PLXNA2: variants seen among roughly 807,000 people sequenced by gnomAD.
The protein encoded by PLXNA2 is plexin-A2.
PLXNA2 carries 91 observed loss-of-function variants against 193.5 expected under a neutral mutation model. The observed-to-expected ratio is 0.47, with a 90% CI of 0.40 to 0.56. The LOEUF is 0.56. Among genes scored for constraint, PLXNA2 ranks in the 20% least tolerant of loss-of-function variants. The probability of loss-of-function intolerance (pLI) is 0.00; values close to 1 mark genes in which losing one functional copy is unlikely to be tolerated. For missense variants in PLXNA2, 1,995 were observed against 2,503.2 expected, an observed-to-expected ratio of 0.80 and a Z score of 4.33; for synonymous variants, 997 against 1,027.3, an observed-to-expected ratio of 0.97 and a Z score of 0.56.
At chr1:208,060,918 G>A in intron 12 of PLXNA2, 81 bp from the exon 13 acceptor site, 1 of 1,358,044 alleles carries the variant, frequency 7.4e-7, no homozygotes, top group Non-Finnish European at 1.0e-6. Context: ...CCCCCAGGGA[G>A]GTTTAAGAAC....
intron 12 of PLXNA2, among the ~76,000 whole-genome samples, chr1:208,077,502 C>G (rs180730990): frequency 7.2e-5 from 11 of 152,270 alleles, no homozygotes; most frequent in African/African-American, 2.4e-4. Flanking sequence ...CTGGCAGAGG[C>G]GGGTGGTGCT....
chr1:208,068,376 A>G (rs557722945), intron 12 of PLXNA2, among the ~76,000 whole-genome samples: 1 of 152,250 alleles, frequency 6.6e-6, no homozygotes, highest in African/African-American at 2.4e-5. Context: ...GCTTTAATTT[A>G]AGCCAATTTC....
At chr1:208,064,401 TG>T (rs1011960341) in intron 12 of PLXNA2, among the ~76,000 whole-genome samples, 2 of 152,232 alleles carry the variant, frequency 1.3e-5, no homozygotes, top group Non-Finnish European at 2.9e-5. Context: ...CTGGCAGGTG[TG>T]GTCTTTCTGG....
Position 208,216,803 on chromosome 1 carries a change from A to G in PLXNA2, c.1120T>C (p.Cys374Arg). 1 of 1,614,180 alleles carries G rather than the reference A, an allele frequency of 6.2e-7. No individual in the cohort carries two copies. Among genetic ancestry groups the G allele is most frequent in the Non-Finnish European group, 8.5e-7 (1 of 1,180,040 alleles). The change falls in exon 2 of 32, where the codon TGC (cysteine) becomes CGC (arginine). Residue 374 changes from cysteine (C) to arginine (R), a missense_variant. Coordinates refer to ENST00000367033, the MANE Select transcript of PLXNA2 (RefSeq NM_025179.4). ...NLQIKERLQSCYQGEGNLELN... is the reference protein window; with the variant it reads ...NLQIKERLQSRYQGEGNLELN... ...TCCAGGTTGCCCTCGCCCTGGTAGC[A>G]GGACTGCAGGCGCTCCTTGATCTGC...
intron 3 of PLXNA2, among the ~76,000 whole-genome samples, chr1:208,178,529 C>T (rs948195307): frequency 6.6e-6 from 1 of 152,090 alleles, no homozygotes; most frequent in East Asian, 1.9e-4. Context: ...GGGGTAGGGG[C>T]GGGGGTGTTG....
intron 1 of PLXNA2, among the ~76,000 whole-genome samples, chr1:208,240,921 T>C (rs535050243): frequency 6.6e-6 from 1 of 151,810 alleles, no homozygotes; most frequent in East Asian, 1.9e-4. Flanking sequence ...AGACAGGAAT[T>C]GCCTCCCCCA....
intron 4 of PLXNA2, among the ~76,000 whole-genome samples, chr1:208,141,008 A>G (rs1668441415): frequency 6.6e-6 from 1 of 151,958 alleles, no homozygotes; most frequent in Admixed American, 6.6e-5. Flanking sequence ...TGTCTTACCC[A>G]CTCTAGGTTA....
intron 3 of PLXNA2, among the ~76,000 whole-genome samples, chr1:208,146,826 A>G (rs1398621644): frequency 6.6e-6 from 1 of 152,280 alleles, no homozygotes; most frequent in East Asian, 1.9e-4. Flanking sequence ...GAGGGAGGTG[A>G]CAGGGACAGG....
intron 23 of PLXNA2, 49 bp downstream of exon 23, chr1:208,039,943 A>C (rs1427891623): frequency 6.3e-7 from 1 of 1,590,146 alleles, no homozygotes; most frequent in African/African-American, 1.3e-5. Flanking sequence ...TCTAAGCAGC[A>C]GTGCCATCCT....
At chr1:208,237,452 C>T (rs1056012772) in intron 1 of PLXNA2, among the ~76,000 whole-genome samples, 1 of 152,206 alleles carries the variant, frequency 6.6e-6, no homozygotes, top group African/African-American at 2.4e-5. Flanking sequence ...ATGCAATTTA[C>T]ATAGAATACA....
At chr1:208,065,317 A>C (rs1665754990) in intron 12 of PLXNA2, among the ~76,000 whole-genome samples, 1 of 152,228 alleles carries the variant, frequency 6.6e-6, no homozygotes, top group Non-Finnish European at 1.5e-5. Context: ...TGCAGAAGGA[A>C]GAGAGTAACC....
chr1:208,033,065 T>C (rs960966106), intron 28 of PLXNA2, among the ~76,000 whole-genome samples: 23 of 151,972 alleles, frequency 1.5e-4, no homozygotes, highest in Non-Finnish European at 3.1e-4. Flanking sequence ...TCCTCTTTTT[T>C]TTTTTTCGTT....
intron 19 of PLXNA2, 43 bp downstream of exon 19, chr1:208,045,024 C>T (rs1455856132): frequency 1.2e-6 from 2 of 1,612,146 alleles, no homozygotes; most frequent in East Asian, 4.5e-5. Flanking sequence ...ACACATGCAC[C>T]ACGAGGCGGG....
At chr1:208,206,384 C>T (rs568748907) in intron 3 of PLXNA2, among the ~76,000 whole-genome samples, 7 of 152,308 alleles carry the variant, frequency 4.6e-5, no homozygotes, top group East Asian at 3.9e-4. Context: ...CCTCACGGTT[C>T]GCTAAAATCC....
chr1:208,057,263 A>G (rs1335364862), intron 13 of PLXNA2, among the ~76,000 whole-genome samples: 1 of 152,172 alleles, frequency 6.6e-6, no homozygotes, highest in Non-Finnish European at 1.5e-5. Flanking sequence ...AGGGATGCTA[A>G]GTGACTTATC....
intron 3 of PLXNA2, among the ~76,000 whole-genome samples, chr1:208,162,693 T>C (rs146546599): frequency 6.3e-4 from 96 of 152,230 alleles, no homozygotes; most frequent in African/African-American, 2.3e-3. Flanking sequence ...TATGAAGACA[T>C]TAAATGCCTA....
At chr1:208,091,619 C>A (rs1254502393) in intron 9 of PLXNA2, among the ~76,000 whole-genome samples, 2 of 152,058 alleles carry the variant, frequency 1.3e-5, no homozygotes, top group Admixed American at 6.6e-5. Flanking sequence ...ACACTTGTAA[C>A]CCCAACACTT....
At chr1:208,207,650 T>C (rs2102594309) in intron 3 of PLXNA2, among the ~76,000 whole-genome samples, 1 of 152,232 alleles carries the variant, frequency 6.6e-6, no homozygotes, top group Admixed American at 6.5e-5. Flanking sequence ...TTATTTTCCT[T>C]CCTGTGTTGA....
At chr1:208,230,771 A>G (rs1558257209) in intron 1 of PLXNA2, among the ~76,000 whole-genome samples, 1 of 152,162 alleles carries the variant, frequency 6.6e-6, no homozygotes. Context: ...TCCTACCTGC[A>G]GTTTCTATTA....
Sources: allele counts gnomAD v4.1 joint callset (sites outside exome capture counted in the v4.1 genomes callset), GRCh38; gene constraint gnomAD v4.1.1; transcripts MANE v1.5; gene names NCBI Gene and HGNC (gene_info 2026-07-23, HGNC 2026-07-21).